The following LARS2 variants were observed in gnomAD, a reference collection of about 807,000 sequenced individuals.
The protein encoded by LARS2 is leucine--tRNA ligase, mitochondrial.
LARS2 carries 81 observed loss-of-function variants against 116.6 expected under a neutral mutation model. The ratio of observed to expected loss-of-function variants is 0.69; its 90% CI spans 0.58 to 0.84. The LOEUF is 0.84. LARS2 is among the 40% of genes least tolerant of loss of function. LARS2 has a pLI of 0.00. For missense variants in LARS2, 968 were observed against 1,114.5 expected (o/e 0.87, Z 1.87); for synonymous variants, 396 against 407.2 (o/e 0.97, Z 0.33).
intron 6 of LARS2, among the ~76,000 whole-genome samples, chr3:45,430,055 A>C (rs1307334495): frequency 1.9e-5 from 2 of 107,958 alleles, no homozygotes; most frequent in Non-Finnish European, 3.4e-5. Context: ...TCTGTCGCCC[A>C]GGCTGGAGTG....
chr3:45,541,047 G>A (rs2125771099), intron 20 of LARS2, among the ~76,000 whole-genome samples: 1 of 152,128 alleles, frequency 6.6e-6, no homozygotes, highest in Non-Finnish European at 1.5e-5. Flanking sequence ...CTTCCAAAGT[G>A]CTGAGATTAC....
chr3:45,395,690 A>G (rs560039463), intron 3 of LARS2, among the ~76,000 whole-genome samples: 1 of 152,318 alleles, frequency 6.6e-6, no homozygotes, highest in South Asian at 2.1e-4. Flanking sequence ...CCTTTTCCCC[A>G]TCTCCTGATT....
At chr3:45,418,528 G>A (rs1698466655) in intron 5 of LARS2, among the ~76,000 whole-genome samples, 1 of 152,178 alleles carries the variant, frequency 6.6e-6, no homozygotes. Context: ...TTGATATAAG[G>A]TAGACCAGGA....
intron 5 of LARS2, 62 bp downstream of exon 5, chr3:45,417,635 C>A (rs1698451943): frequency 1.7e-6 from 2 of 1,143,858 alleles, no homozygotes; most frequent in Non-Finnish European, 2.6e-6. Flanking sequence ...ATTTTTTTAA[C>A]CTGTGCTTAA....
At chr3:45,496,536 C>T (rs1008935304) in intron 14 of LARS2, among the ~76,000 whole-genome samples, 163 bp downstream of exon 14, 2 of 152,204 alleles carry the variant, frequency 1.3e-5, no homozygotes. Flanking sequence ...TCTTAGACCA[C>T]GATGGAGCTG....
intron 5 of LARS2, among the ~76,000 whole-genome samples, chr3:45,418,561 G>A (rs983405401): frequency 1.3e-5 from 2 of 152,190 alleles, no homozygotes; most frequent in Admixed American, 1.3e-4. Flanking sequence ...CGGCCTGTGG[G>A]CTAAATCTGG....
Position 45,409,187 on chromosome 3 carries a change from A to ATAATT in LARS2, c.364-8292_364-8288dup, listed in dbSNP as rs1698284705. Among the ~76,000 whole-genome samples the ATAATT allele has an allele frequency of 2.1e-5, 3 of 145,658 alleles. No individual in the cohort carries two copies. The South Asian group carries it at 6.7e-4, about 33-fold the overall frequency. The stretch of plus-strand genomic sequence containing the variant: ...CTCAAGCATATAAATAGAGATGCCA[A>ATAATT]TAATTTATTTTTATTTTTATTTTTT... On this transcript the variant is annotated intron_variant, in intron 4 of 21. Transcript: ENST00000645846.
intron 1 of LARS2, among the ~76,000 whole-genome samples, chr3:45,389,530 T>C (rs1370830605): frequency 1.3e-5 from 2 of 152,246 alleles, no homozygotes; most frequent in Non-Finnish European, 2.9e-5. Context: ...CCCTCCTGCC[T>C]GTGCAGGGCC....
At chr3:45,539,043 T>TATA (rs1700752216) in intron 20 of LARS2, among the ~76,000 whole-genome samples, 1 of 152,200 alleles carries the variant, frequency 6.6e-6, no homozygotes, top group South Asian at 2.1e-4. Flanking sequence ...CAGTCCCTGG[T>TATA]ATAATACTTG....
intron 8 of LARS2, among the ~76,000 whole-genome samples, chr3:45,464,535 G>A (rs777482184): frequency 2.6e-5 from 4 of 152,106 alleles, no homozygotes; most frequent in Non-Finnish European, 4.4e-5. Flanking sequence ...CAGTCACATC[G>A]TCCCCTTAAT....
chr3:45,416,032 T>G (rs1050637632), intron 4 of LARS2, among the ~76,000 whole-genome samples: 8 of 151,920 alleles, frequency 5.3e-5, no homozygotes, highest in Non-Finnish European at 8.8e-5. Flanking sequence ...TGTGTTCCTG[T>G]GTATTTTTCT....
intron 15 of LARS2, among the ~76,000 whole-genome samples, chr3:45,512,893 T>C (rs1700310071): frequency 6.6e-6 from 1 of 152,184 alleles, no homozygotes; most frequent in African/African-American, 2.4e-5. Flanking sequence ...GGCTCACACC[T>C]GTAATCCCAG....
intron 17 of LARS2, among the ~76,000 whole-genome samples, chr3:45,517,608 A>G (rs1407409154): frequency 1.3e-5 from 2 of 152,186 alleles, no homozygotes; most frequent in Non-Finnish European, 2.9e-5. Context: ...GCGGGGCACC[A>G]GGGCTCATCT....
chr3:45,485,224 A>G (rs1415001135), intron 10 of LARS2, among the ~76,000 whole-genome samples: 6 of 152,198 alleles, frequency 3.9e-5, no homozygotes, highest in African/African-American at 1.2e-4. Flanking sequence ...GTAAGTGGGT[A>G]GGAACTCTTT....
chr3:45,511,975 C>T (rs1700298853), intron 15 of LARS2, among the ~76,000 whole-genome samples: 1 of 151,876 alleles, frequency 6.6e-6, no homozygotes, highest in African/African-American at 2.4e-5. Context: ...GGGGTTTCAC[C>T]ATGTTGCCCA....
At chr3:45,446,802 C>G (rs917974738) in intron 6 of LARS2, 89 bp from the exon 7 acceptor site, 1 of 704,704 alleles carries the variant, frequency 1.4e-6, no homozygotes. Context: ...GATTTCATTA[C>G]TTTTCAAAAT....
At chr3:45,430,971 A>C (rs1357230456) in intron 6 of LARS2, among the ~76,000 whole-genome samples, 4 of 152,320 alleles carry the variant, frequency 2.6e-5, no homozygotes, top group African/African-American at 9.6e-5. Flanking sequence ...ATGTGATGAC[A>C]CTAGGAAGTA....
At chr3:45,422,463 G>A (rs148628845) in intron 6 of LARS2, 59 of 152,048 alleles carry the variant, frequency 3.9e-4, no homozygotes, top group African/African-American at 1.4e-3. Context: ...GATTCTTTGT[G>A]ATTTAAGTTT....
chr3:45,526,286 G>C (rs1246832634), intron 20 of LARS2, among the ~76,000 whole-genome samples: 2 of 152,122 alleles, frequency 1.3e-5, no homozygotes, highest in Non-Finnish European at 2.9e-5. Flanking sequence ...GAACAATTTT[G>C]TTCCTATCAA....
Sources: allele counts gnomAD v4.1 joint callset (sites outside exome capture counted in the v4.1 genomes callset), GRCh38; gene constraint gnomAD v4.1.1; transcripts MANE v1.5; gene names NCBI Gene and HGNC (gene_info 2026-07-23, HGNC 2026-07-21).